RTN4: variants seen among roughly 807,000 people sequenced by gnomAD.
The protein encoded by RTN4 is reticulon 4, also known as reticulon-4.
Under a neutral mutation model 90.4 loss-of-function variants are expected in RTN4, and 32 were observed. The observed-to-expected ratio is 0.35, with a 90% CI of 0.27 to 0.48. RTN4 has a LOEUF of 0.48. Among genes scored for constraint, RTN4 ranks in the 20% least tolerant of loss-of-function variants. The pLI is 0.99. For missense variants in RTN4, 1,706 were observed against 1,430.2 expected (o/e 1.19, Z -3.11); for synonymous variants, 629 against 552.5 (o/e 1.14, Z -1.94).
chr2:55,018,610 G>A (rs1681208344), intron 3 of RTN4, among the ~76,000 whole-genome samples: 1 of 151,988 alleles, frequency 6.6e-6, no homozygotes, highest in Non-Finnish European at 1.5e-5. Context: ...TATAAATAAT[G>A]TATTGGTGGT....
At chr2:55,112,291 C>T (rs1391401906) in intron 1 of RTN4, among the ~76,000 whole-genome samples, 2 of 152,176 alleles carry the variant, frequency 1.3e-5, no homozygotes, top group Non-Finnish European at 2.9e-5. Flanking sequence ...CTCATCTACC[C>T]CCGGACAGCA....
At chr2:55,117,143 G>A (rs1314759397), upstream of RTN4, among the ~76,000 whole-genome samples, 1 of 152,056 alleles carries the variant, frequency 6.6e-6, no homozygotes, top group East Asian at 1.9e-4. Context: ...CAAAGTGCCG[G>A]GATTACAGGT....
intron 3 of RTN4, among the ~76,000 whole-genome samples, chr2:55,014,706 G>A (rs1487902726): frequency 2.0e-5 from 3 of 152,050 alleles, no homozygotes; most frequent in East Asian, 1.9e-4. Flanking sequence ...TAGTAGAGAC[G>A]AGGATTCACC....
chr2:55,086,365 T>C (rs1331085845), intron 1 of RTN4, among the ~76,000 whole-genome samples: 1 of 151,862 alleles, frequency 6.6e-6, no homozygotes, highest in East Asian at 1.9e-4. Context: ...GATCAAGAAA[T>C]AGAATATGAC....
chr2:54,982,699 T>C, intron 4 of RTN4, 46 bp from the exon 5 acceptor site: 1 of 1,552,962 alleles, frequency 6.4e-7, no homozygotes, highest in Non-Finnish European at 8.7e-7. Flanking sequence ...GGAGTGATTT[T>C]CCCCTAAATG....
intron 3 of RTN4, among the ~76,000 whole-genome samples, chr2:54,992,236 C>T (rs1334282897): frequency 1.3e-5 from 2 of 152,274 alleles, no homozygotes; most frequent in Admixed American, 1.3e-4. Context: ...ACCCAGATCA[C>T]ATCATTAATA....
At chr2:55,070,199 C>T (rs1668461581) in intron 2 of RTN4, among the ~76,000 whole-genome samples, 1 of 152,004 alleles carries the variant, frequency 6.6e-6, no homozygotes, top group Non-Finnish European at 1.5e-5. Flanking sequence ...GCGGGATCAC[C>T]AGCTGCTACT....
chr2:55,135,486 C>T, the RTN4 span, among the ~76,000 whole-genome samples: 8 of 152,138 alleles, frequency 5.3e-5, no homozygotes, highest in Admixed American at 2.0e-4. Context: ...GGATTACAGG[C>T]GTGAGCCACC....
intron 5 of RTN4, among the ~76,000 whole-genome samples, chr2:54,976,678 G>C: frequency 6.6e-6 from 1 of 152,176 alleles, no homozygotes; most frequent in Admixed American, 6.5e-5. Flanking sequence ...GGAGAGAAAG[G>C]GGTGGCAGCA....
Position 54,982,639 on chromosome 2 carries a change from G to C in RTN4, c.3236C>G (p.Ser1079Cys). The change falls in exon 5 of 9, where the codon TCT (serine) becomes TGT (cysteine). Residue 1079 changes from serine (S) to cysteine (C), a missense_variant. Transcript: ENST00000337526. The part of the protein sequence containing the change: ...EGHPFRAYLE[S>C]EVAISEELVQ... ...CAACTCCTCAGATATAGCAACTTCA[G>C]ATTCCAGATATGCCCTAGAAAACAA... 6.2e-7 allele frequency: 1 copy of C among 1,608,300 alleles called. No individual in the cohort carries two copies. The highest frequency in any genetic ancestry group is 8.5e-7 in the Non-Finnish European group (1 of 1,177,726).
At chr2:55,124,247 G>A in the RTN4 span, among the ~76,000 whole-genome samples, 1 of 152,232 alleles carries the variant, frequency 6.6e-6, no homozygotes, top group Non-Finnish European at 1.5e-5. Context: ...AGCATAGGGT[G>A]TATTGAGGCC....
At chr2:55,114,418 G>T (rs937915434), upstream of RTN4, among the ~76,000 whole-genome samples, 2 of 152,178 alleles carry the variant, frequency 1.3e-5, no homozygotes, top group African/African-American at 4.8e-5. Context: ...TTAACTCCAG[G>T]CCGGGCGTGG....
In RTN4 at chr2:55,027,372, C is replaced by A. The variant is rs764041015; in HGVS notation, c.727G>T (p.Ala243Ser). The change falls in exon 3 of 9, where the codon GCC becomes TCC. Residue 243 changes from alanine to serine, a missense_variant. Transcript: ENST00000337526. ...ASLPSLSPLS[A>S]ASFKEHEYLG... ...TATTCATGTTCTTTGAAAGAAGCGG[C>A]TGAGAGAGGAGACAGAGAAGGAAGA... is the stretch of plus-strand genomic sequence containing the variant. 3.1e-6 allele frequency: 5 copies of A among 1,613,344 alleles called. No individual in the cohort carries two copies. The African/African-American group carries it at 4.0e-5, about 13-fold the overall frequency.
intron 3 of RTN4, among the ~76,000 whole-genome samples, chr2:55,011,325 C>T (rs1573375223): frequency 6.6e-6 from 1 of 152,078 alleles, no homozygotes; most frequent in African/African-American, 2.4e-5. Context: ...CCACACCTGG[C>T]CTAAAATTTT....
At chr2:55,133,006 G>A in the RTN4 span, among the ~76,000 whole-genome samples, 1 of 151,824 alleles carries the variant, frequency 6.6e-6, no homozygotes, top group East Asian at 1.9e-4. Context: ...GAAGCCAGGA[G>A]TTCAAGATCA....
chr2:55,111,663 G>A (rs1443167309), intron 1 of RTN4, among the ~76,000 whole-genome samples: 7 of 151,752 alleles, frequency 4.6e-5, no homozygotes, highest in Non-Finnish European at 7.4e-5. Context: ...TGTTTAGGAG[G>A]AGGGGTCTCC....
At chr2:54,997,777 C>A (rs1376311056) in intron 3 of RTN4, among the ~76,000 whole-genome samples, 1 of 152,224 alleles carries the variant, frequency 6.6e-6, no homozygotes. Flanking sequence ...GAGTATAGTA[C>A]AATGAGATAT....
chr2:54,987,402 C>G, intron 4 of RTN4, 89 bp downstream of exon 4: 1 of 978,118 alleles, frequency 1.0e-6, no homozygotes, highest in Non-Finnish European at 1.6e-6. Context: ...AAAATGCATG[C>G]TTGTAACTCT....
At chr2:54,986,247 G>T (rs945101414) in intron 4 of RTN4, among the ~76,000 whole-genome samples, 1 of 151,778 alleles carries the variant, frequency 6.6e-6, no homozygotes, top group Non-Finnish European at 1.5e-5. Context: ...AAAATTAATC[G>T]GACATCATCT....
Sources: gnomAD v4.1 joint callset for allele counts (sites outside exome capture counted in the v4.1 genomes callset) on GRCh38, gnomAD v4.1.1 for gene constraint, MANE v1.5 for transcripts, NCBI Gene and HGNC (gene_info 2026-07-23, HGNC 2026-07-21) for gene names.